The following KLF15 variants were observed in gnomAD, a reference collection of about 807,000 sequenced individuals.
KLF15 encodes Krueppel-like factor 15.
KLF15 carries 4 observed loss-of-function variants against 24.6 expected under a neutral mutation model. The ratio of observed to expected loss-of-function variants is 0.16; its 90% CI spans 0.08 to 0.37. The LOEUF is 0.37. Among genes scored for constraint, KLF15 ranks in the 10% least tolerant of loss-of-function variants. The pLI is 1.00. For missense variants in KLF15, 496 were observed against 560.6 expected, an observed-to-expected ratio of 0.88 and a Z score of 1.16; for synonymous variants, 246 against 236.3, an observed-to-expected ratio of 1.04 and a Z score of -0.37.
At chr3:126,295,062 G>T in the KLF15 span, among the ~76,000 whole-genome samples, 20,186 of 151,860 alleles carry the variant, frequency 0.13, 1,552 homozygotes, top group Admixed American at 0.24. Context: ...GCACTTATAC[G>T]CACATGCATA....
chr3:126,334,366 G>A, the KLF15 span, among the ~76,000 whole-genome samples: 3 of 135,518 alleles, frequency 2.2e-5, no homozygotes, highest in Non-Finnish European at 3.2e-5. Context: ...GATGTTCTTT[G>A]AAACCAACGA....
the KLF15 span, among the ~76,000 whole-genome samples, chr3:126,323,411 A>ATATAACTATATAT: frequency 2.9e-5 from 1 of 34,162 alleles, no homozygotes; most frequent in Non-Finnish European, 4.8e-5. Flanking sequence ...AGTTATATAT[A>ATATAACTATATAT]TATATATATA....
At chr3:126,348,639 C>T (rs917778105) in intron 2 of KLF15, among the ~76,000 whole-genome samples, 14 of 152,186 alleles carry the variant, frequency 9.2e-5, no homozygotes, top group East Asian at 3.9e-4. Context: ...TGAGCTAATG[C>T]GAAAACCTTA....
chr3:126,319,328 T>C, the KLF15 span, among the ~76,000 whole-genome samples: 1 of 152,260 alleles, frequency 6.6e-6, no homozygotes, highest in Non-Finnish European at 1.5e-5. Flanking sequence ...TGCTGGATCA[T>C]ATAAGAATAT....
At chr3:126,307,482 T>C in the KLF15 span, among the ~76,000 whole-genome samples, 7 of 152,168 alleles carry the variant, frequency 4.6e-5, no homozygotes, top group African/African-American at 1.7e-4. Flanking sequence ...ATGGTGGCTA[T>C]GGGCAAGGTC....
At chr3:126,354,730 C>T (rs887486888) in intron 1 of KLF15, among the ~76,000 whole-genome samples, 2 of 152,238 alleles carry the variant, frequency 1.3e-5, no homozygotes. Context: ...AAGTGCTAGA[C>T]ACTGTGAAGG....
At chr3:126,327,286 C>A in the KLF15 span, among the ~76,000 whole-genome samples, 1 of 152,176 alleles carries the variant, frequency 6.6e-6, no homozygotes, top group Non-Finnish European at 1.5e-5. Flanking sequence ...GTGGGGCAGA[C>A]TCCTGTGGGA....
Position 126,352,200 on chromosome 3 carries a change from T to C in KLF15, c.723A>G (p.Gln241=). The part of the protein sequence containing the change: ...ESGTGPASPG[Q]APENVKVAQL... Reference sequence around the variant, plus strand: ...GGGCAACCTTGACATTCTCTGGGGCTTGCCCAGGGGAGGCAGGCCCTGTGC... The same window carrying C: ...GGGCAACCTTGACATTCTCTGGGGCCTGCCCAGGGGAGGCAGGCCCTGTGC... Residue 241 remains glutamine (Q), a synonymous_variant, in exon 2 of 3, where the codon CAA becomes CAG. Coordinates refer to ENST00000296233, the MANE Select transcript of KLF15 (RefSeq NM_014079.4). The C allele has an allele frequency of 6.4e-7, 1 of 1,557,312 alleles. No homozygotes were observed. The highest frequency in any genetic ancestry group is 1.3e-5 in the South Asian group (1 of 79,890).
chr3:126,331,590 T>C, the KLF15 span, among the ~76,000 whole-genome samples: 1 of 152,160 alleles, frequency 6.6e-6, no homozygotes. Flanking sequence ...TTTGATTTAA[T>C]AAAATGTCTA....
the KLF15 span, among the ~76,000 whole-genome samples, chr3:126,313,738 T>C: frequency 4.6e-5 from 7 of 152,224 alleles, no homozygotes; most frequent in Non-Finnish European, 1.0e-4. Flanking sequence ...TATTGCTACT[T>C]ACCAACTACC....
chr3:126,299,940 T>C, the KLF15 span, among the ~76,000 whole-genome samples: 2 of 151,986 alleles, frequency 1.3e-5, no homozygotes, highest in Non-Finnish European at 2.9e-5. Flanking sequence ...AGTCTGTTGT[T>C]TGAGCCCCCG....
the KLF15 span, among the ~76,000 whole-genome samples, chr3:126,332,163 G>C: frequency 6.6e-6 from 1 of 152,090 alleles, no homozygotes; most frequent in African/African-American, 2.4e-5. Flanking sequence ...GCAGACTTAA[G>C]TGTCCCTGTC....
At chr3:126,339,764 GT>G (rs1193676030), downstream of KLF15, among the ~76,000 whole-genome samples, 2 of 152,122 alleles carry the variant, frequency 1.3e-5, no homozygotes, top group African/African-American at 4.8e-5. Flanking sequence ...TTCTGCCTAT[GT>G]CCCCTCTCCA....
At chr3:126,294,864 TACACACACACACACACACACACAC>T in the KLF15 span, among the ~76,000 whole-genome samples, 2 of 141,858 alleles carry the variant, frequency 1.4e-5, no homozygotes. Context: ...TGCCCCTCCA[TACACACACACACACACACACACAC>T]ACACACACAC....
At chr3:126,355,057 CT>C (rs1402215739) in intron 1 of KLF15, among the ~76,000 whole-genome samples, 6 of 152,244 alleles carry the variant, frequency 3.9e-5, no homozygotes, top group African/African-American at 1.4e-4. Flanking sequence ...GCCTCTGCCC[CT>C]CTACTGTGAT....
At chr3:126,323,656 G>A in the KLF15 span, among the ~76,000 whole-genome samples, 1 of 136,066 alleles carries the variant, frequency 7.3e-6, no homozygotes, top group Non-Finnish European at 1.6e-5. Context: ...CCCTCCCCTG[G>A]CCCCCCACCC....
chr3:126,352,689 G>T lies in KLF15; in HGVS notation c.234C>A (p.Asp78Glu). Residue 78 changes from aspartate (D) to glutamate (E), a missense_variant, in exon 2 of 3, where the codon GAC (aspartate) becomes GAA (glutamate). Around this residue, in one of 3 missense-constraint regions of KLF15, gnomAD observed 399 missense variants for 423.1 expected, o/e 0.94. Coordinates refer to ENST00000296233, the MANE Select transcript of KLF15 (RefSeq NM_014079.4). ...CCAGCGTGGCCTGGGACAATAGGAAGTCCAAGATGCTGTCCTGGCTCTCGG... is the reference window on the plus strand; with the variant it reads ...CCAGCGTGGCCTGGGACAATAGGAATTCCAAGATGCTGTCCTGGCTCTCGG... ...LGTESQDSIL[D>E]FLLSQATLGS... is the part of the protein sequence containing the mutation. 6.3e-7 allele frequency: 1 copy of T among 1,594,348 alleles called. No homozygotes were observed. The highest frequency in any genetic ancestry group is 2.3e-5 in the East Asian group (1 of 43,702).
the KLF15 span, among the ~76,000 whole-genome samples, chr3:126,329,047 A>T: frequency 1.3e-5 from 2 of 152,228 alleles, no homozygotes; most frequent in Non-Finnish European, 2.9e-5. Flanking sequence ...TTTAAATGGT[A>T]GTGTCAAGCA....
chr3:126,344,481 A>G (rs942656588), intron 2 of KLF15, among the ~76,000 whole-genome samples: 1 of 152,174 alleles, frequency 6.6e-6, no homozygotes, highest in Non-Finnish European at 1.5e-5. Context: ...AAGGACCCCA[A>G]TGCTACCAGG....
Sources: allele counts gnomAD v4.1 joint callset (sites outside exome capture counted in the v4.1 genomes callset), GRCh38; gene constraint gnomAD v4.1.1; regional missense constraint gnomAD v4.1.1; transcripts MANE v1.5; gene names NCBI Gene and HGNC (gene_info 2026-07-23, HGNC 2026-07-21).